EDA: variants seen among roughly 807,000 people sequenced by gnomAD.
EDA encodes the protein ectodysplasin A.
Under a neutral mutation model 23.6 loss-of-function variants are expected in EDA, and 2 were observed. The observed-to-expected ratio is 0.08, with a 90% confidence interval of 0.03 to 0.27. EDA has a LOEUF of 0.27. Among genes scored for constraint, EDA ranks in the 10% least tolerant of loss-of-function variants. EDA has a pLI of 1.00. For synonymous variants in EDA, 131 were observed against 132.0 expected (o/e 0.99, Z 0.05); for missense variants, 229 against 324.2 (o/e 0.71, Z 2.26).
chrX:69,852,266 A>T, intron 1 of EDA, among the ~76,000 whole-genome samples: 1 of 111,499 alleles, frequency 9.0e-6, no homozygotes, highest in Non-Finnish European at 1.9e-5. Context: ...AGTAACTGGG[A>T]TTACAGGCAT....
intron 1 of EDA, among the ~76,000 whole-genome samples, chrX:69,926,954 T>C (rs1403130788): frequency 9.0e-6 from 1 of 111,702 alleles, no homozygotes; most frequent in African/African-American, 3.3e-5. Flanking sequence ...AAGTCTGTTT[T>C]GTCAGAGACT....
chrX:69,741,114 A>G (rs1472988959), intron 1 of EDA, among the ~76,000 whole-genome samples: 2 of 109,621 alleles, frequency 1.8e-5, no homozygotes, highest in Non-Finnish European at 3.8e-5. Context: ...TTCTTTAGCC[A>G]TGGTTTCCTT....
intron 1 of EDA, among the ~76,000 whole-genome samples, chrX:69,806,315 A>G (rs375906015): frequency 5.4e-5 from 6 of 111,326 alleles, no homozygotes; most frequent in African/African-American, 1.9e-4. Flanking sequence ...TTTATTGTCT[A>G]TGTTAGGGCA....
chrX:69,654,272 G>A (rs1157921551), intron 1 of EDA, among the ~76,000 whole-genome samples: 1 of 111,594 alleles, frequency 9.0e-6, no homozygotes, highest in African/African-American at 3.3e-5. Flanking sequence ...AGTTAGAGTG[G>A]CGATCATTAA....
At chrX:69,706,912 A>C (rs1444592094) in intron 1 of EDA, among the ~76,000 whole-genome samples, 1 of 111,592 alleles carries the variant, frequency 9.0e-6, no homozygotes, top group African/African-American at 3.3e-5. Flanking sequence ...TCTCAGGTTA[A>C]ATTTTAAAGT....
intron 1 of EDA, among the ~76,000 whole-genome samples, chrX:69,748,500 G>A (rs1314865460): frequency 2.7e-5 from 3 of 111,600 alleles, no homozygotes; most frequent in African/African-American, 9.8e-5. Flanking sequence ...AACAAAATTA[G>A]GATATGTGCT....
At chrX:69,884,153 G>T (rs1037433800) in intron 1 of EDA, among the ~76,000 whole-genome samples, 7 of 111,745 alleles carry the variant, frequency 6.3e-5, no homozygotes, top group African/African-American at 1.9e-4. Flanking sequence ...TAATGAGTAG[G>T]TCCCAAAATA....
intron 1 of EDA, among the ~76,000 whole-genome samples, chrX:69,897,046 T>C (rs2018026959): frequency 9.0e-6 from 1 of 111,548 alleles, no homozygotes; most frequent in Non-Finnish European, 1.9e-5. Context: ...CTTGCCAGAA[T>C]AGACAATGAA....
chrX:69,720,494 G>T (rs1237644319), intron 1 of EDA, among the ~76,000 whole-genome samples: 8 of 111,223 alleles, frequency 7.2e-5, no homozygotes, highest in Non-Finnish European at 1.5e-4. Context: ...GGACTCCAAT[G>T]ATATGAGTAT....
At chrX:69,793,379 T>TG (rs1460526420) in intron 1 of EDA, among the ~76,000 whole-genome samples, 1 of 107,337 alleles carries the variant, frequency 9.3e-6, no homozygotes, top group Non-Finnish European at 1.9e-5. Context: ...TAGTAGGGTT[T>TG]TTTTTTTTTA....
intron 1 of EDA, among the ~76,000 whole-genome samples, chrX:69,808,964 T>A (rs890999094): frequency 9.0e-6 from 1 of 111,598 alleles, no homozygotes; most frequent in Non-Finnish European, 1.9e-5. Flanking sequence ...GCAGCAGGAA[T>A]AATAGCTGCT....
At chrX:69,681,070 T>G (rs1344498261) in intron 1 of EDA, among the ~76,000 whole-genome samples, 1 of 110,488 alleles carries the variant, frequency 9.1e-6, no homozygotes, top group African/African-American at 3.3e-5. Flanking sequence ...TTATTTCTCC[T>G]TCACTTATGA....
chrX:69,956,914 T>G, intron 1 of EDA, 113 bp from the exon 2 acceptor site: 1 of 629,882 alleles, frequency 1.6e-6, no homozygotes. Flanking sequence ...GGCTCAGGCT[T>G]TAGACACATC....
intron 1 of EDA, among the ~76,000 whole-genome samples, chrX:69,803,120 G>A (rs2015732526): frequency 9.0e-6 from 1 of 111,086 alleles, no homozygotes; most frequent in Admixed American, 9.6e-5. Context: ...AGCTGATACA[G>A]ATACTAAGAT....
At chrX:69,745,356 G>A (rs1164380495) in intron 1 of EDA, among the ~76,000 whole-genome samples, 1 of 111,429 alleles carries the variant, frequency 9.0e-6, no homozygotes, top group African/African-American at 3.3e-5. Context: ...TGGGAAAATA[G>A]AATAAAAGAA....
intron 1 of EDA, among the ~76,000 whole-genome samples, chrX:69,768,819 T>C (rs1019036594): frequency 3.6e-5 from 4 of 111,760 alleles, no homozygotes; most frequent in Non-Finnish European, 7.5e-5. Flanking sequence ...TCTTGTTCTT[T>C]CCTAACGTAG....
intron 1 of EDA, among the ~76,000 whole-genome samples, chrX:69,748,546 A>G (rs2013696608): frequency 9.0e-6 from 1 of 111,618 alleles, no homozygotes; most frequent in Non-Finnish European, 1.9e-5. Context: ...CTTCAATATT[A>G]TACTTTTTTT....
At chrX:69,716,244 A>G (rs1235143239) in intron 1 of EDA, among the ~76,000 whole-genome samples, 1 of 111,946 alleles carries the variant, frequency 8.9e-6, no homozygotes, top group Admixed American at 9.5e-5. Flanking sequence ...TAACTTTTGT[A>G]TATGTTGTAA....
intron 1 of EDA, among the ~76,000 whole-genome samples, chrX:69,709,837 G>A (rs1351979385): frequency 2.7e-5 from 3 of 110,140 alleles, no homozygotes; most frequent in Non-Finnish European, 5.7e-5. Flanking sequence ...TAAGAAAATT[G>A]TAGATTCTTT....
Sources: gnomAD v4.1 joint callset for allele counts (sites outside exome capture counted in the v4.1 genomes callset) on GRCh38, gnomAD v4.1.1 for gene constraint, MANE v1.5 for transcripts, NCBI Gene and HGNC (gene_info 2026-07-23, HGNC 2026-07-21) for gene names.